The following WDR12 variants were observed in gnomAD, a reference collection of about 807,000 sequenced individuals.
WDR12 encodes the protein ribosome biogenesis protein WDR12.
Under a neutral mutation model 64.3 loss-of-function variants are expected in WDR12, and 42 were observed. That is an observed-to-expected ratio of 0.65 (90% CI 0.51 to 0.84). The LOEUF is 0.84. WDR12 is among the 40% of genes least tolerant of loss of function. The probability of loss-of-function intolerance (pLI) is 0.00; values close to 1 mark genes in which losing one functional copy is unlikely to be tolerated. For missense variants in WDR12, 469 were observed against 494.6 expected (o/e 0.95, Z 0.49); for synonymous variants, 158 against 173.3 (o/e 0.91, Z 0.70).
At position 202,911,523 on chromosome 2, in the gene WDR12, G is replaced by A; in HGVS notation, c.-47C>T. ...GCCCACGGAAACGTACGGGTTAGCA[G>A]ACCCACAACACGAAGCTCCTGCCTT... is the stretch of plus-strand genomic sequence containing the variant. On this transcript the variant is annotated 5_prime_UTR_variant, in exon 1 of 13. Transcript: ENST00000261015. The A allele has an allele frequency of 1.3e-6, 2 of 1,582,598 alleles. No individual in the cohort carries two copies. Among genetic ancestry groups the A allele is most frequent in the South Asian group, 1.1e-5 (1 of 90,442 alleles).
chr2:202,881,189 C>G (rs1389797598), intron 12 of WDR12, among the ~76,000 whole-genome samples: 1 of 152,120 alleles, frequency 6.6e-6, no homozygotes. Context: ...TTCTATAAAG[C>G]ATCTGCCAAG....
At chr2:202,883,377 C>T (rs1687989101) in intron 11 of WDR12, 4 of 405,970 alleles carry the variant, frequency 9.9e-6, no homozygotes, top group Non-Finnish European at 1.8e-5. Flanking sequence ...CTCAGGTGAT[C>T]TGCCTGCCTC....
intron 5 of WDR12, 62 bp downstream of exon 5, chr2:202,897,238 A>C: frequency 8.2e-7 from 1 of 1,218,860 alleles, no homozygotes; most frequent in African/African-American, 1.6e-5. Flanking sequence ...CCCAGCACCA[A>C]AAATGGCTTA....
rs763526067 is a variant in WDR12 at position 202,900,979 on chromosome 2, C to T, written c.231+46G>A. The T allele has an allele frequency of 1.2e-5, 18 of 1,490,364 alleles. No homozygotes were observed. The East Asian group carries it at 1.8e-4, about 15-fold the overall frequency. 92.3% of individuals were successfully genotyped at this position (1,490,364 alleles called of 1,614,324 possible). On this transcript the variant is annotated intron_variant, in intron 3 of 12. Coordinates refer to ENST00000261015, the MANE Select transcript of WDR12 (RefSeq NM_018256.4). ...CTAAAAGGAGTTTACCTACAATAGC[C>T]GATAATGCCTCAAGTGAAATACAGA...
Position 202,897,283 on chromosome 2 carries a change from A to G in WDR12, c.454+17T>C. 1 of 1,553,358 alleles carries G rather than the reference A, an allele frequency of 6.4e-7. No individual in the cohort carries two copies. Among genetic ancestry groups the G allele is most frequent in the African/African-American group, 1.4e-5 (1 of 72,736 alleles). On this transcript the variant is annotated intron_variant, in intron 5 of 12. Coordinates refer to ENST00000261015, the MANE Select transcript of WDR12 (RefSeq NM_018256.4). ...CCCTATCTAGGATTCCTCTAAGTGTAGGCAAACTGTCCTAACCTTTTTTCA... is the reference window on the plus strand; with the variant it reads ...CCCTATCTAGGATTCCTCTAAGTGTGGGCAAACTGTCCTAACCTTTTTTCA...
chr2:202,909,963 T>A (rs1445097690), intron 1 of WDR12, among the ~76,000 whole-genome samples: 1 of 151,894 alleles, frequency 6.6e-6, no homozygotes, highest in African/African-American at 2.4e-5. Flanking sequence ...GCCTGGCAAA[T>A]TTTTTGTATT....
At position 202,901,069 on chromosome 2, in the gene WDR12, G is replaced by A. The variant is rs1269482022; in HGVS notation, c.187C>T (p.Arg63Ter). 8 of 1,599,378 alleles carry A rather than the reference G, an allele frequency of 5.0e-6. No individual in the cohort carries two copies. The highest frequency in any genetic ancestry group is 2.7e-5 in the African/African-American group (2 of 74,786). ...FDFLIKGQFL[R>*]MPLDKHMEME... ...TCCATGTGTTTGTCCAAGGGCATTC[G>A]CAGAAACTGGCCCTTAATAAGGAAA... The change falls in exon 3 of 13, where the codon CGA becomes TGA. Residue 63 changes from arginine to a stop codon, truncating the protein, a stop_gained. Transcript: ENST00000261015. LOFTEE classifies it high-confidence loss of function.
chr2:202,887,685 G>A (rs188100421), intron 8 of WDR12, among the ~76,000 whole-genome samples: 182 of 150,944 alleles, frequency 1.2e-3, no homozygotes, highest in African/African-American at 3.8e-3. Context: ...TCAGGAGATC[G>A]AGACCATCCT....
Position 202,877,664 on chromosome 2 carries a change from GACAAAAAA to G in WDR12, c.*3188_*3195del, listed in dbSNP as rs1687887079. 6.6e-6 allele frequency: 1 copy of G among 152,018 alleles called. No individual in the cohort carries two copies. Among genetic ancestry groups the G allele is most frequent in the Non-Finnish European group, 1.5e-5 (1 of 68,082 alleles). The allele number at this position is 152,018 out of a possible 1,614,324, so 9.4% of individuals were successfully genotyped here. The stretch of plus-strand genomic sequence containing the variant: ...GGGTGACATAGTGAGACCCTGTCTT[GACAAAAAA>G]ACAAAAAAACCAACCTTTGATAAGA... On this transcript the variant is annotated 3_prime_UTR_variant, in exon 13 of 13. Coordinates refer to ENST00000261015, the MANE Select transcript of WDR12 (RefSeq NM_018256.4).
At chr2:202,886,902 G>T (rs1688058527) in intron 8 of WDR12, among the ~76,000 whole-genome samples, 1 of 151,986 alleles carries the variant, frequency 6.6e-6, no homozygotes, top group Non-Finnish European at 1.5e-5. Flanking sequence ...AACTGGATCA[G>T]AAAGCAAACT....
At chr2:202,903,477 AAG>A (rs1559163834) in intron 2 of WDR12, among the ~76,000 whole-genome samples, 4 of 114,982 alleles carry the variant, frequency 3.5e-5, no homozygotes, top group African/African-American at 1.1e-4. Flanking sequence ...GGAAGGAAGG[AAG>A]GAAGGAAGGA....
At chr2:202,910,045 C>G (rs1051354218) in intron 1 of WDR12, among the ~76,000 whole-genome samples, 2 of 152,114 alleles carry the variant, frequency 1.3e-5, no homozygotes, top group Non-Finnish European at 2.9e-5. Context: ...ATTTGCGTTC[C>G]TCAGCCTCCC....
intron 8 of WDR12, among the ~76,000 whole-genome samples, chr2:202,888,504 G>C (rs893130745): frequency 3.3e-5 from 5 of 152,100 alleles, no homozygotes; most frequent in African/African-American, 7.2e-5. Context: ...AAACTAAGTG[G>C]AACAGAAGTA....
chr2:202,888,710 A>G (rs916114647), intron 8 of WDR12, among the ~76,000 whole-genome samples: 1 of 152,120 alleles, frequency 6.6e-6, no homozygotes, highest in Non-Finnish European at 1.5e-5. Flanking sequence ...GCTAAAATCC[A>G]AATTTTTCTT....
rs1687875010 is a variant in WDR12 at position 202,877,262 on chromosome 2, A to C, written c.*3598T>G. ...AACAGTTCCAAAATGGTAATTCCAA[A>C]TTCAAAGGAAAAGAAAATATTGATC... is the stretch of plus-strand genomic sequence containing the variant. On this transcript the variant is annotated 3_prime_UTR_variant, in exon 13 of 13. Coordinates refer to ENST00000261015, the MANE Select transcript of WDR12 (RefSeq NM_018256.4). 1.3e-5 allele frequency: 2 copies of C among 150,710 alleles called. No homozygotes were observed. Among genetic ancestry groups the C allele is most frequent in the South Asian group, 4.2e-4 (2 of 4,808 alleles). The allele number at this position is 150,710 out of a possible 1,614,324, so 9.3% of individuals were successfully genotyped here.
In WDR12 at chr2:202,901,037, C is replaced by T; in HGVS notation, c.219G>A (p.Glu73=). 6.3e-7 allele frequency: 1 copy of T among 1,591,506 alleles called. No individual in the cohort carries two copies. The highest frequency in any genetic ancestry group is 8.6e-7 in the Non-Finnish European group (1 of 1,164,664). Residue 73 remains glutamate (E), a synonymous_variant, in exon 3 of 13, where the codon GAG becomes GAA. Transcript: ENST00000261015. The stretch of plus-strand genomic sequence containing the variant: ...AATTTGAACTTACTGATGAGATGTT[C>T]TCCATTTCCATGTGTTTGTCCAAGG... ...RMPLDKHMEM[E]NISSEEVVEI...
intron 12 of WDR12, among the ~76,000 whole-genome samples, chr2:202,881,409 A>T (rs1398395753): frequency 6.6e-6 from 1 of 152,218 alleles, no homozygotes; most frequent in Non-Finnish European, 1.5e-5. Context: ...AGACTTATGC[A>T]AGATTTTTCC....
chr2:202,896,222 G>A lies in WDR12; in HGVS notation c.455-3C>T. The A allele has an allele frequency of 1.2e-6, 2 of 1,611,674 alleles. No homozygotes were observed. Among genetic ancestry groups the A allele is most frequent in the Non-Finnish European group, 1.7e-6 (2 of 1,179,314 alleles). ...CAATAATAAGCAGGACAAACTATCT[G>A]GAGAAAGGAGAACACAAGAATAAGA... On this transcript the variant is annotated splice_region_variant and splice_polypyrimidine_tract_variant and intron_variant, in intron 5 of 12. Coordinates refer to ENST00000261015, the MANE Select transcript of WDR12 (RefSeq NM_018256.4).
chr2:202,901,185 A>C, intron 2 of WDR12, 66 bp from the exon 3 acceptor site: 2 of 1,241,212 alleles, frequency 1.6e-6, no homozygotes, highest in Non-Finnish European at 2.2e-6. Context: ...GAGGTATATG[A>C]GAACTCCCAA....
Sources: allele counts gnomAD v4.1 joint callset (sites outside exome capture counted in the v4.1 genomes callset), GRCh38; gene constraint gnomAD v4.1.1; transcripts MANE v1.5; gene names NCBI Gene and HGNC (gene_info 2026-07-23, HGNC 2026-07-21).